FGFR2: variants seen among roughly 807,000 people sequenced by gnomAD.
FGFR2 encodes the protein BEK fibroblast growth factor receptor.
In FGFR2, 19 loss-of-function variants were observed where a neutral mutation model predicts 95.9. The observed-to-expected ratio is 0.20, with a 90% CI of 0.14 to 0.29. The LOEUF (loss-of-function observed/expected upper bound fraction) is 0.29, where lower values mean the gene tolerates loss of function less well. FGFR2 is among the 10% of genes least tolerant of loss of function. The pLI is 1.00. For synonymous variants in FGFR2, 392 were observed against 393.3 expected (o/e 1.00, Z 0.04); for missense variants, 707 against 1,056.9 (o/e 0.67, Z 4.59).
chr10:121,577,875 A>G (rs1264489467), intron 2 of FGFR2, among the ~76,000 whole-genome samples: 1 of 152,032 alleles, frequency 6.6e-6, no homozygotes, highest in Non-Finnish European at 1.5e-5. Context: ...CTCCTCCACC[A>G]GCCTCTTCTC....
intron 2 of FGFR2, among the ~76,000 whole-genome samples, chr10:121,571,956 A>AT (rs1340959557): frequency 4.0e-5 from 6 of 150,330 alleles, no homozygotes; most frequent in Non-Finnish European, 8.9e-5. Context: ...AAAAAAAATA[A>AT]AAAAAAAAAT....
At chr10:121,544,255 G>A (rs1249884768) in intron 5 of FGFR2, among the ~76,000 whole-genome samples, 1 of 152,008 alleles carries the variant, frequency 6.6e-6, no homozygotes, top group African/African-American at 2.4e-5. Context: ...AGACCAGCCT[G>A]ACCAACATGG....
chr10:121,511,522 C>T (rs1218266311), intron 9 of FGFR2, among the ~76,000 whole-genome samples: 1 of 152,122 alleles, frequency 6.6e-6, no homozygotes, highest in Non-Finnish European at 1.5e-5. Flanking sequence ...GGCTGCTTCA[C>T]ACTGGTCACT....
chr10:121,527,110 T>A (rs756317444), intron 6 of FGFR2, among the ~76,000 whole-genome samples: 1 of 152,196 alleles, frequency 6.6e-6, no homozygotes, highest in Non-Finnish European at 1.5e-5. Flanking sequence ...GAGAGTAAAG[T>A]GCTGGCTGGG....
At chr10:121,574,004 TGTCCTCCCTG>T (rs1471483130) in intron 2 of FGFR2, among the ~76,000 whole-genome samples, 1 of 152,210 alleles carries the variant, frequency 6.6e-6, no homozygotes, top group African/African-American at 2.4e-5. Flanking sequence ...TGGCCGCCAC[TGTCCTCCCTG>T]GTCCAGTAAC....
chr10:121,546,638 T>C (rs1263335583), intron 5 of FGFR2, among the ~76,000 whole-genome samples: 1 of 152,206 alleles, frequency 6.6e-6, no homozygotes, highest in African/African-American at 2.4e-5. Context: ...TCTTTGACTT[T>C]GTTTTGCTTT....
intron 2 of FGFR2, among the ~76,000 whole-genome samples, chr10:121,585,908 G>A (rs754738588): frequency 6.6e-6 from 1 of 152,170 alleles, no homozygotes; most frequent in Non-Finnish European, 1.5e-5. Flanking sequence ...GCTCCTTAAG[G>A]CAGCCACACA....
At position 121,515,256 on chromosome 10, in the gene FGFR2, A is replaced by G. The variant is rs773178450; in HGVS notation, c.1148T>C (p.Ile383Thr). ...PDYLEIAIYCIGVFLIACMVV... is the reference protein window; with the variant it reads ...PDYLEIAIYCTGVFLIACMVV... ...CATACAGGCGATTAAGAAGACCCCT[A>G]TGCAGTAAATGGCTATCTCCAGGTA... Residue 383 changes from isoleucine (I) to threonine (T), a missense_variant, in exon 9 of 18, where the codon ATA becomes ACA. Ile to Thr is a moderately conservative substitution (Grantham distance 89). Around this residue, in one of 7 missense-constraint regions of FGFR2, gnomAD observed 194 missense variants for 267.3 expected, o/e 0.73. Coordinates refer to ENST00000358487, the MANE Select transcript of FGFR2 (RefSeq NM_000141.5). 9 of 1,614,050 alleles carry G rather than the reference A, an allele frequency of 5.6e-6. No individual in the cohort carries two copies. In the East Asian group the frequency reaches 1.6e-4, roughly 28 times the overall value.
intron 2 of FGFR2, among the ~76,000 whole-genome samples, chr10:121,573,544 AAG>A (rs1397213668): frequency 1.3e-5 from 2 of 152,164 alleles, no homozygotes; most frequent in African/African-American, 4.8e-5. Flanking sequence ...AGAAGGATGA[AAG>A]AGAGGGAGAG....
rs1283652650 is a variant in FGFR2 at position 121,517,753 on chromosome 10, T to C, written c.940-290A>G. On this transcript the variant is annotated intron_variant, in intron 7 of 17. Transcript: ENST00000358487. This position sits in a 1 kb window ranked among gnomAD's most constrained non-coding sequence, Gnocchi z 4.7. ...TCCGTTCTCTTGGCCTGTGCTTTGG[T>C]TTGCATTTAGGGGTGGTTTTCCAAA... 6.6e-6 allele frequency among the ~76,000 whole-genome samples: 1 copy of C among 151,752 alleles called. No homozygotes were observed. The highest frequency in any genetic ancestry group is 1.5e-5 in the Non-Finnish European group (1 of 67,928).
intron 4 of FGFR2, among the ~76,000 whole-genome samples, chr10:121,559,480 G>A (rs1856646979): frequency 1.3e-5 from 2 of 152,238 alleles, no homozygotes; most frequent in Admixed American, 6.5e-5. Flanking sequence ...GCCCCAGGCT[G>A]CACCTGTGAA....
At chr10:121,582,011 A>C (rs34032268) in intron 2 of FGFR2, among the ~76,000 whole-genome samples, 64,518 of 151,406 alleles carry the variant, frequency 0.43, 13,857 homozygotes, top group African/African-American at 0.48. Flanking sequence ...CAGCTTACTG[A>C]AACCTCTGCC....
chr10:121,590,438 C>A (rs1862465083), intron 2 of FGFR2, among the ~76,000 whole-genome samples: 1 of 152,146 alleles, frequency 6.6e-6, no homozygotes, highest in Non-Finnish European at 1.5e-5. Context: ...GACTGCCCCC[C>A]TTCGAGTCAA....
chr10:121,567,895 C>T (rs1315079372), intron 2 of FGFR2, among the ~76,000 whole-genome samples: 1 of 152,218 alleles, frequency 6.6e-6, no homozygotes, highest in Non-Finnish European at 1.5e-5. Context: ...AAAAGTGTTT[C>T]AATCCCTGTT....
intron 2 of FGFR2, among the ~76,000 whole-genome samples, chr10:121,573,350 G>A (rs1393147352): frequency 1.3e-5 from 2 of 152,180 alleles, no homozygotes; most frequent in African/African-American, 4.8e-5. Context: ...GGGTTTCCCA[G>A]GGATGGTGTC....
chr10:121,555,215 A>T (rs1855965900), intron 4 of FGFR2, among the ~76,000 whole-genome samples: 1 of 152,204 alleles, frequency 6.6e-6, no homozygotes, highest in Non-Finnish European at 1.5e-5. Context: ...TCCACTAAAA[A>T]TGCAAAAATT....
At chr10:121,569,021 T>C (rs1858130643) in intron 2 of FGFR2, among the ~76,000 whole-genome samples, 1 of 152,062 alleles carries the variant, frequency 6.6e-6, no homozygotes, top group Non-Finnish European at 1.5e-5. Context: ...AGTACCCAAA[T>C]ACTGGTTTAT....
At position 121,598,225 on chromosome 10, in the gene FGFR2, T is replaced by C. The variant is rs1863728904; in HGVS notation, c.-414A>G. On this transcript the variant is annotated 5_prime_UTR_variant, in exon 1 of 18. Transcript: ENST00000358487. ...AGGCTTGGCGTTGCCTCCACCAAAC[T>C]TTGCTCGCGAGTTGCGAAGGCTCAG... 5.0e-6 allele frequency: 2 copies of C among 396,692 alleles called. No individual in the cohort carries two copies. The highest frequency in any genetic ancestry group is 1.3e-4 in the South Asian group (1 of 7,848). The allele number at this position is 396,692 out of a possible 1,614,324, so 24.6% of individuals were successfully genotyped here. A position where few individuals can be genotyped will look rare whatever the true frequency, so the allele number is the denominator to read the frequency against.
chr10:121,565,801 GAGA>G, intron 2 of FGFR2, 97 bp from the exon 3 acceptor site: 1 of 1,462,392 alleles, frequency 6.8e-7, no homozygotes, highest in South Asian at 1.2e-5. Flanking sequence ...TTATTCCCAG[GAGA>G]AGCTGTTCTT....
Sources: allele counts gnomAD v4.1 joint callset (sites outside exome capture counted in the v4.1 genomes callset), GRCh38; gene constraint gnomAD v4.1.1; regional missense constraint gnomAD v4.1.1; non-coding constraint Gnocchi (gnomAD v3.1); transcripts MANE v1.5; gene names NCBI Gene and HGNC (gene_info 2026-07-23, HGNC 2026-07-21).